The following GCNT2 variants were observed in gnomAD, a reference collection of about 807,000 sequenced individuals.
The protein encoded by GCNT2 is N-acetyllactosaminide beta-1,6-N-acetylglucosaminyl-transferase.
GCNT2 carries 34 observed loss-of-function variants against 34.2 expected under a neutral mutation model. The ratio of observed to expected loss-of-function variants is 1.00; its 90% CI spans 0.76 to 1.32. GCNT2 has a LOEUF of 1.32. Ranked by LOEUF, GCNT2 falls within the 40% of genes most tolerant of loss-of-function variation. The probability of loss-of-function intolerance (pLI) is 0.00; values close to 1 mark genes in which losing one functional copy is unlikely to be tolerated. For synonymous variants in GCNT2, 212 were observed against 188.0 expected, an observed-to-expected ratio of 1.13 and a Z score of -1.04; for missense variants, 584 against 489.4, an observed-to-expected ratio of 1.19 and a Z score of -1.82.
chr6:10,560,262 T>G (rs1375113398), intron 3 of GCNT2, among the ~76,000 whole-genome samples: 2 of 151,400 alleles, frequency 1.3e-5, no homozygotes, highest in Admixed American at 1.3e-4. Context: ...TTAATTTTTT[T>G]GTATTTTAGT....
chr6:10,582,554 TATATC>T (rs2127409218), intron 3 of GCNT2, among the ~76,000 whole-genome samples: 1 of 136,558 alleles, frequency 7.3e-6, no homozygotes, highest in South Asian at 2.1e-4. Context: ...ATGTATAATA[TATATC>T]ATATATATTT....
intron 3 of GCNT2, among the ~76,000 whole-genome samples, chr6:10,620,671 A>C (rs1025659350): frequency 1.3e-5 from 2 of 152,132 alleles, no homozygotes; most frequent in African/African-American, 4.8e-5. Context: ...ATGAACCACT[A>C]TGTCTGGCAA....
Position 10,626,756 on chromosome 6 carries a change from T to G in GCNT2, c.*149T>G. 1.5e-6 allele frequency: 1 copy of G among 662,454 alleles called. No individual in the cohort carries two copies. Among genetic ancestry groups the G allele is most frequent in the Non-Finnish European group, 2.7e-6 (1 of 369,426 alleles). 41.0% of individuals were successfully genotyped at this position (662,454 alleles called of 1,614,324 possible). ...TGGCTACGTAATTATACTTAAAATATCCACTGGACACTGTGAAATACACTA... is the reference window on the plus strand; with the variant it reads ...TGGCTACGTAATTATACTTAAAATAGCCACTGGACACTGTGAAATACACTA... On this transcript the variant is annotated 3_prime_UTR_variant, in exon 5 of 5. Transcript: ENST00000495262.
intron 4 of GCNT2, among the ~76,000 whole-genome samples, chr6:10,625,429 T>C (rs1448107967): frequency 6.6e-6 from 1 of 152,130 alleles, no homozygotes; most frequent in Non-Finnish European, 1.5e-5. Context: ...GGAAAATGGT[T>C]GCAACTTCCT....
chr6:10,524,471 C>CT (rs1413160323), intron 1 of GCNT2, among the ~76,000 whole-genome samples: 2 of 152,060 alleles, frequency 1.3e-5, no homozygotes, highest in African/African-American at 4.8e-5. Context: ...AGGCTGGTCT[C>CT]TAACTCAATC....
intron 3 of GCNT2, among the ~76,000 whole-genome samples, chr6:10,584,559 C>T (rs897526415): frequency 2.0e-5 from 3 of 152,202 alleles, no homozygotes; most frequent in African/African-American, 7.2e-5. Context: ...GAGGCCGTAT[C>T]TCAGGTTGTC....
At chr6:10,599,635 T>C (rs2127426080) in intron 3 of GCNT2, among the ~76,000 whole-genome samples, 1 of 152,266 alleles carries the variant, frequency 6.6e-6, no homozygotes, top group East Asian at 1.9e-4. Flanking sequence ...TTCCCCTCTC[T>C]CCAAGAGTAG....
Position 10,589,367 on chromosome 6 carries a change from GTGTT to G in GCNT2, c.926-31980_926-31977del, listed in dbSNP as rs769143401. Among the ~76,000 whole-genome samples the G allele has an allele frequency of 4.1e-4, 54 of 131,542 alleles. 1 individual carries two copies. Among genetic ancestry groups the G allele is most frequent in the African/African-American group, 1.1e-3 (42 of 37,966 alleles). The allele number at this position is 131,542 out of a possible 152,430, so 86.3% of individuals were successfully genotyped here. On this transcript the variant is annotated intron_variant, in intron 3 of 4. Transcript: ENST00000495262. ...GTAGTGTGTGGTGTGTTTCTAGTGT[GTGTT>G]TGTAGTGTGGTGTGTGTTTGTAGTG...
intron 3 of GCNT2, among the ~76,000 whole-genome samples, chr6:10,539,311 TC>T (rs1761930568): frequency 6.8e-6 from 1 of 147,274 alleles, no homozygotes; most frequent in African/African-American, 2.5e-5. Flanking sequence ...TGCCTCAGCC[TC>T]CCGAGTTGCT....
intron 3 of GCNT2, among the ~76,000 whole-genome samples, chr6:10,537,533 TCTA>T (rs1448237270): frequency 6.6e-6 from 1 of 151,630 alleles, no homozygotes; most frequent in Non-Finnish European, 1.5e-5. Context: ...AAACCCTGTC[TCTA>T]CTAAAAATAC....
chr6:10,583,141 C>T (rs1442068519), intron 3 of GCNT2, among the ~76,000 whole-genome samples: 2 of 152,106 alleles, frequency 1.3e-5, no homozygotes, highest in African/African-American at 2.4e-5. Context: ...GTAAAAATAA[C>T]GGGGTTGTGA....
chr6:10,590,768 G>T (rs1239871117), intron 3 of GCNT2, among the ~76,000 whole-genome samples: 1 of 152,072 alleles, frequency 6.6e-6, no homozygotes, highest in East Asian at 1.9e-4. Context: ...TGACCAAGAT[G>T]GTCTCGATCT....
At chr6:10,551,182 G>T (rs140302896) in intron 3 of GCNT2, among the ~76,000 whole-genome samples, 3 of 151,988 alleles carry the variant, frequency 2.0e-5, no homozygotes, top group Admixed American at 2.0e-4. Flanking sequence ...AGCCACATGC[G>T]CCTTAACATT....
intron 3 of GCNT2, among the ~76,000 whole-genome samples, chr6:10,570,081 A>G (rs1378574423): frequency 6.6e-6 from 1 of 151,898 alleles, no homozygotes. Context: ...CGTTCCTCCC[A>G]TGCACCACCA....
At chr6:10,584,825 G>A (rs146526837) in intron 3 of GCNT2, among the ~76,000 whole-genome samples, 1 of 152,274 alleles carries the variant, frequency 6.6e-6, no homozygotes, top group African/African-American at 2.4e-5. Flanking sequence ...GCATCTCAAA[G>A]CAGAACAAAA....
chr6:10,621,294 T>C (rs1581494799), intron 3 of GCNT2, 57 bp from the exon 4 acceptor site: 1 of 1,091,688 alleles, frequency 9.2e-7, no homozygotes, highest in East Asian at 2.5e-5. Context: ...ATTGATGAAA[T>C]TGATGCCCTT....
rs1766363007 is a variant in GCNT2, at chr6:10,628,559, C to T, written c.*1952C>T. ...CCACTAAGGTGACCAGAGTGGGCTC[C>T]AAGCACAAACTGCCATTGGCTATAG... On this transcript the variant is annotated 3_prime_UTR_variant, in exon 5 of 5. Transcript: ENST00000495262. 6.6e-6 allele frequency: 1 copy of T among 152,222 alleles called. No individual in the cohort carries two copies. The highest frequency in any genetic ancestry group is 2.4e-5 in the African/African-American group (1 of 41,470). 9.4% of individuals were successfully genotyped at this position (152,222 alleles called of 1,614,324 possible). A position where few individuals can be genotyped will look rare whatever the true frequency, so the allele number is the denominator to read the frequency against.
At chr6:10,623,322 C>G (rs1239164141) in intron 4 of GCNT2, among the ~76,000 whole-genome samples, 3 of 150,246 alleles carry the variant, frequency 2.0e-5, no homozygotes, top group Non-Finnish European at 4.4e-5. Context: ...TGGAGTTTCA[C>G]TCTTGTCACC....
At chr6:10,559,568 GACCTCCCAC>G (rs1762878213) in intron 3 of GCNT2, among the ~76,000 whole-genome samples, 2 of 152,222 alleles carry the variant, frequency 1.3e-5, no homozygotes, top group Admixed American at 1.3e-4. Flanking sequence ...ACAATGTAAA[GACCTCCCAC>G]GCTGCTAGTG....
Sources: gnomAD v4.1 joint callset for allele counts (sites outside exome capture counted in the v4.1 genomes callset) on GRCh38, gnomAD v4.1.1 for gene constraint, MANE v1.5 for transcripts, NCBI Gene and HGNC (gene_info 2026-07-23, HGNC 2026-07-21) for gene names.